Variants in EBF1 observed in about 807,000 individuals in gnomAD.
EBF1 encodes the protein transcription factor COE1.
A neutral mutation model predicts 68.4 loss-of-function variants in EBF1; 10 were observed. That is an observed-to-expected ratio of 0.15 (90% CI 0.09 to 0.25). The LOEUF (loss-of-function observed/expected upper bound fraction) is 0.25. Among genes scored for constraint, EBF1 ranks in the 10% least tolerant of loss-of-function variants. The probability of loss-of-function intolerance (pLI) is 1.00; values close to 1 mark genes in which losing one functional copy is unlikely to be tolerated. For missense variants in EBF1, 509 were observed against 794.4 expected (o/e 0.64, Z 4.32); for synonymous variants, 298 against 299.8 (o/e 0.99, Z 0.06).
At chr5:158,714,069 T>G (rs1760075834) in intron 12 of EBF1, 48 bp downstream of exon 12, 6 of 1,594,174 alleles carry the variant, frequency 3.8e-6, no homozygotes, top group Non-Finnish European at 5.2e-6. Context: ...TCTGAGATCT[T>G]TAATTGCATG....
At chr5:159,058,608 TA>T (rs1775212637) in intron 6 of EBF1, among the ~76,000 whole-genome samples, 1 of 152,236 alleles carries the variant, frequency 6.6e-6, no homozygotes. Context: ...CCAGTTCCAA[TA>T]GACCTGAGAT....
intron 6 of EBF1, among the ~76,000 whole-genome samples, chr5:158,875,771 C>T (rs528772523): frequency 2.0e-5 from 3 of 152,216 alleles, no homozygotes; most frequent in African/African-American, 7.2e-5. Context: ...GATTAGCATT[C>T]ATCATTTTTA....
At chr5:158,944,267 G>T (rs2127481353) in intron 6 of EBF1, among the ~76,000 whole-genome samples, 1 of 151,728 alleles carries the variant, frequency 6.6e-6, no homozygotes, top group East Asian at 1.9e-4. Flanking sequence ...CCCTCCCTGT[G>T]CCCATATATT....
chr5:158,739,065 C>T lies in EBF1; in HGVS notation c.1037-7908G>A, dbSNP rs915981428. On this transcript the variant is annotated intron_variant, in intron 10 of 15. Transcript: ENST00000313708. ...GCTCAAGAAACTGTTTTCTGTCCAT[C>T]AGGTTCTTCTTATTGGTCTAAGCCT... Among the ~76,000 whole-genome samples the T allele has an allele frequency of 2.0e-5, 3 of 152,182 alleles. No homozygotes were observed. The South Asian group carries it at 6.2e-4, about 32-fold the overall frequency.
chr5:158,858,339 G>A (rs1003737739), intron 6 of EBF1, among the ~76,000 whole-genome samples: 3 of 152,116 alleles, frequency 2.0e-5, no homozygotes, highest in Non-Finnish European at 4.4e-5. Context: ...CTCAGGTACT[G>A]CTTCTTCATA....
intron 10 of EBF1, among the ~76,000 whole-genome samples, chr5:158,757,725 T>A (rs1480786949): frequency 2.0e-5 from 3 of 152,188 alleles, no homozygotes; most frequent in African/African-American, 7.2e-5. Context: ...TCTTCATTTG[T>A]AATACAGCGA....
intron 11 of EBF1, 167 bp downstream of exon 11, chr5:158,730,899 TGGC>T (rs1763964519): frequency 3.4e-6 from 2 of 587,794 alleles, no homozygotes; most frequent in African/African-American, 1.9e-5. Flanking sequence ...CAGTGTTGCC[TGGC>T]ACATAAGTGC....
At chr5:158,857,619 C>T (rs937813026) in intron 6 of EBF1, among the ~76,000 whole-genome samples, 2 of 152,128 alleles carry the variant, frequency 1.3e-5, no homozygotes, top group Non-Finnish European at 2.9e-5. Flanking sequence ...TAAGTGCTTT[C>T]GTGCCTCAAG....
intron 10 of EBF1, among the ~76,000 whole-genome samples, chr5:158,747,513 A>T (rs1561813437): frequency 2.0e-5 from 3 of 152,152 alleles, no homozygotes. Flanking sequence ...ACTGCTGGCC[A>T]TTTCAAAGCC....
chr5:158,760,680 C>A (rs1472394394), intron 10 of EBF1, among the ~76,000 whole-genome samples: 1 of 152,130 alleles, frequency 6.6e-6, no homozygotes, highest in Non-Finnish European at 1.5e-5. Context: ...TCTTTCAGAG[C>A]AATCTCAGGT....
intron 6 of EBF1, among the ~76,000 whole-genome samples, chr5:158,961,800 T>C (rs1818230857): frequency 6.6e-6 from 1 of 152,176 alleles, no homozygotes; most frequent in African/African-American, 2.4e-5. Flanking sequence ...CCAGTGGAGG[T>C]CATTTCTATT....
At chr5:159,022,484 T>C (rs1457317113) in intron 6 of EBF1, among the ~76,000 whole-genome samples, 1 of 152,200 alleles carries the variant, frequency 6.6e-6, no homozygotes, top group Non-Finnish European at 1.5e-5. Context: ...ACTGTACATA[T>C]TCCCACCATC....
chr5:158,813,890 C>T (rs1783178106), intron 8 of EBF1, among the ~76,000 whole-genome samples: 1 of 152,200 alleles, frequency 6.6e-6, no homozygotes, highest in Non-Finnish European at 1.5e-5. Flanking sequence ...AAAGCTTCCA[C>T]TTGCCCATAA....
At position 158,849,541 on chromosome 5, in the gene EBF1, T is replaced by A. The variant is rs1792196625; in HGVS notation, c.555-9431A>T. Among the ~76,000 whole-genome samples, 4 of 152,208 alleles carry A rather than the reference T, an allele frequency of 2.6e-5. No individual in the cohort carries two copies. The South Asian group carries it at 8.3e-4, about 31-fold the overall frequency. ...CACTCTGTTACAGCACTTGTCACAC[T>A]TGGTCTTCACTGCAAGGCCTGCAGT... On this transcript the variant is annotated intron_variant, in intron 6 of 15. Coordinates refer to ENST00000313708, the MANE Select transcript of EBF1 (RefSeq NM_024007.5).
At chr5:158,887,386 A>G (rs1245604728) in intron 6 of EBF1, among the ~76,000 whole-genome samples, 1 of 152,188 alleles carries the variant, frequency 6.6e-6, no homozygotes, top group Non-Finnish European at 1.5e-5. Flanking sequence ...AGATTTTAAA[A>G]ATTGGCTTCA....
chr5:159,034,621 T>A (rs1472599636), intron 6 of EBF1, among the ~76,000 whole-genome samples: 1 of 152,198 alleles, frequency 6.6e-6, no homozygotes, highest in Non-Finnish European at 1.5e-5. Flanking sequence ...TTTTATTGAA[T>A]TAACTCCATC....
At chr5:159,063,908 T>C (rs908754445) in intron 6 of EBF1, among the ~76,000 whole-genome samples, 3 of 152,284 alleles carry the variant, frequency 2.0e-5, no homozygotes, top group Non-Finnish European at 4.4e-5. Context: ...ATTTTGAAGA[T>C]GAGAAAACTG....
At chr5:158,869,284 C>T (rs1796450632) in intron 6 of EBF1, among the ~76,000 whole-genome samples, 2 of 152,092 alleles carry the variant, frequency 1.3e-5, no homozygotes, top group Admixed American at 6.6e-5. Flanking sequence ...GCAGTGAGAT[C>T]CCCCTGGGAA....
At chr5:158,856,659 C>G (rs1479607113) in intron 6 of EBF1, among the ~76,000 whole-genome samples, 2 of 152,178 alleles carry the variant, frequency 1.3e-5, no homozygotes, top group Admixed American at 6.5e-5. Context: ...GTCCTCACAG[C>G]AACCCTACGC....
Sources: gnomAD v4.1 joint callset for allele counts (sites outside exome capture counted in the v4.1 genomes callset) on GRCh38, gnomAD v4.1.1 for gene constraint, MANE v1.5 for transcripts, NCBI Gene and HGNC (gene_info 2026-07-23, HGNC 2026-07-21) for gene names.